FHIT: variants seen among roughly 807,000 people sequenced by gnomAD.
FHIT encodes the protein fragile histidine triad diadenosine triphosphatase.
In FHIT, 19 loss-of-function variants were observed where a neutral mutation model predicts 17.9. The observed-to-expected ratio is 1.06, with a 90% CI of 0.74 to 1.56. FHIT has a LOEUF of 1.56. Ranked by LOEUF, FHIT falls within the 40% of genes most tolerant of loss-of-function variation. The probability of loss-of-function intolerance (pLI) is 0.00; values close to 1 mark genes in which losing one functional copy is unlikely to be tolerated. For missense variants in FHIT, 248 were observed against 189.2 expected, an observed-to-expected ratio of 1.31 and a Z score of -1.82; for synonymous variants, 81 against 69.7, an observed-to-expected ratio of 1.16 and a Z score of -0.81.
intron 8 of FHIT, among the ~76,000 whole-genome samples, chr3:59,760,253 G>A (rs1460999764): frequency 6.6e-6 from 1 of 152,148 alleles, no homozygotes; most frequent in Non-Finnish European, 1.5e-5. Context: ...TAGAGTGTTG[G>A]ATGTTTAAGA....
At chr3:60,948,156 G>A (rs1708718508) in intron 3 of FHIT, among the ~76,000 whole-genome samples, 1 of 152,026 alleles carries the variant, frequency 6.6e-6, no homozygotes, top group Non-Finnish European at 1.5e-5. Context: ...CAGGTGCTAG[G>A]TGTCCTTCCT....
At chr3:61,096,849 ACCTGTAATC>A (rs1362674760) in intron 2 of FHIT, among the ~76,000 whole-genome samples, 1 of 152,142 alleles carries the variant, frequency 6.6e-6, no homozygotes, top group Admixed American at 6.5e-5. Context: ...GGCAGCTCAC[ACCTGTAATC>A]CCAGCACTTT....
chr3:60,782,797 C>T (rs1553725999), intron 4 of FHIT, among the ~76,000 whole-genome samples: 1 of 152,140 alleles, frequency 6.6e-6, no homozygotes, highest in Non-Finnish European at 1.5e-5. Flanking sequence ...TTGCTCTCTG[C>T]TTCCAAGACA....
intron 7 of FHIT, among the ~76,000 whole-genome samples, chr3:59,941,595 C>A (rs144445620): frequency 1.3e-5 from 2 of 152,094 alleles, no homozygotes; most frequent in African/African-American, 4.8e-5. Flanking sequence ...TTGATGCTTG[C>A]GTTGTGGGTC....
intron 2 of FHIT, among the ~76,000 whole-genome samples, chr3:61,091,781 C>G (rs1480984188): frequency 6.6e-6 from 1 of 151,408 alleles, no homozygotes; most frequent in Non-Finnish European, 1.5e-5. Context: ...AACCCAGTCT[C>G]TACAAAAATT....
intron 1 of FHIT, among the ~76,000 whole-genome samples, chr3:61,241,868 C>T (rs73098988): frequency 0.038 from 5,818 of 152,172 alleles, 127 homozygotes; most frequent in Admixed American, 0.066. Context: ...GGCATACAAA[C>T]AAAATACCCC....
intron 4 of FHIT, among the ~76,000 whole-genome samples, chr3:60,569,830 C>A (rs539543203): frequency 1.4e-5 from 2 of 146,138 alleles, no homozygotes; most frequent in South Asian, 4.4e-4. Context: ...CGGCTCACTG[C>A]AACCTTCGCC....
intron 1 of FHIT, among the ~76,000 whole-genome samples, chr3:61,227,118 TGA>T (rs945561795): frequency 1.3e-5 from 2 of 151,994 alleles, no homozygotes; most frequent in Admixed American, 6.6e-5. Context: ...AGATAAGAGG[TGA>T]GAGAGAAGAG....
intron 7 of FHIT, among the ~76,000 whole-genome samples, chr3:59,999,040 T>G (rs1461757692): frequency 6.6e-6 from 1 of 152,108 alleles, no homozygotes; most frequent in African/African-American, 2.4e-5. Flanking sequence ...CAGTAATTGT[T>G]TTGAGCCATA....
Position 61,080,931 on chromosome 3 carries a change from C to T in FHIT, c.-163-38832G>A, listed in dbSNP as rs138020602. Among the ~76,000 whole-genome samples the T allele has an allele frequency of 1.0e-3, 154 of 152,186 alleles. 1 individual carries two copies. Among genetic ancestry groups the T allele is most frequent in the Admixed American group, 8.8e-3 (134 of 15,284 alleles). On this transcript the variant is annotated intron_variant, in intron 2 of 9. Transcript: ENST00000492590. ...AGAAGGTCAGCTTGTCAAAGGATCA[C>T]GGCAAAAAGCGGAAGAGGCAGATAC...
intron 8 of FHIT, among the ~76,000 whole-genome samples, chr3:59,902,466 C>T (rs747015537): frequency 6.6e-5 from 10 of 151,132 alleles, no homozygotes; most frequent in African/African-American, 2.2e-4. Context: ...AACTGAAATC[C>T]CCCATCCAAA....
At chr3:61,198,830 A>G (rs1576195958) in intron 2 of FHIT, among the ~76,000 whole-genome samples, 1 of 152,168 alleles carries the variant, frequency 6.6e-6, no homozygotes, top group Non-Finnish European at 1.5e-5. Flanking sequence ...TTCTAAAAAG[A>G]ATAGACTTAT....
rs1377985070 is a variant in FHIT, at chr3:60,716,873, T to C, written c.-18+105046A>G. ...GGAACTTTTTAGCTCCATTATAATC[T>C]TAAGGGACCACCCTCATATCTGCAG... On this transcript the variant is annotated intron_variant, in intron 4 of 9. Transcript: ENST00000492590. 2.0e-5 allele frequency among the ~76,000 whole-genome samples: 3 copies of C among 152,138 alleles called. No homozygotes were observed. In the East Asian group the frequency reaches 5.8e-4, roughly 29 times the overall value.
intron 8 of FHIT, among the ~76,000 whole-genome samples, chr3:59,844,259 T>C (rs1701635887): frequency 6.6e-6 from 1 of 152,180 alleles, no homozygotes; most frequent in South Asian, 2.1e-4. Flanking sequence ...ATAATTTAAT[T>C]TCTTCATTTT....
intron 3 of FHIT, among the ~76,000 whole-genome samples, chr3:60,884,518 T>C (rs782384309): frequency 7.2e-5 from 11 of 152,118 alleles, no homozygotes; most frequent in Non-Finnish European, 1.3e-4. Flanking sequence ...ATACACACAA[T>C]GAAATACTAT....
chr3:59,951,726 G>GA (rs151092266), intron 7 of FHIT, among the ~76,000 whole-genome samples: 13,342 of 152,056 alleles, frequency 0.088, 826 homozygotes, highest in South Asian at 0.15. Context: ...CCACTGCTGG[G>GA]ATCAATGATA....
intron 8 of FHIT, among the ~76,000 whole-genome samples, chr3:59,879,225 G>A (rs1703297220): frequency 6.6e-6 from 1 of 151,936 alleles, no homozygotes; most frequent in African/African-American, 2.4e-5. Flanking sequence ...ACTTATACTT[G>A]TTATCATGAA....
intron 5 of FHIT, among the ~76,000 whole-genome samples, chr3:60,501,196 C>T (rs1576768797): frequency 6.6e-6 from 1 of 152,162 alleles, no homozygotes; most frequent in Non-Finnish European, 1.5e-5. Context: ...TTCTCACCAA[C>T]ATTTTTCAGG....
rs189015609 is a variant in FHIT, at chr3:60,829,665, T to C, written c.-110-7654A>G. On this transcript the variant is annotated intron_variant, in intron 3 of 9. Transcript: ENST00000492590. Reference sequence around the variant, plus strand: ...TCGTGGTACCTAACATGGTGCTGGATGGAAAGCATTTAATAACTTCTGATT... The same window carrying C: ...TCGTGGTACCTAACATGGTGCTGGACGGAAAGCATTTAATAACTTCTGATT... 4.6e-5 allele frequency among the ~76,000 whole-genome samples: 7 copies of C among 152,284 alleles called. No individual in the cohort carries two copies. In the East Asian group the frequency reaches 1.4e-3, roughly 29 times the overall value.
Sources: gnomAD v4.1 joint callset for allele counts (sites outside exome capture counted in the v4.1 genomes callset) on GRCh38, gnomAD v4.1.1 for gene constraint, MANE v1.5 for transcripts, NCBI Gene and HGNC (gene_info 2026-07-23, HGNC 2026-07-21) for gene names.